Variants in ITGA8 observed in about 807,000 individuals in gnomAD.
ITGA8 encodes integrin subunit alpha 8.
In ITGA8, 91 loss-of-function variants were observed where a neutral mutation model predicts 142.3. The ratio of observed to expected loss-of-function variants is 0.64; its 90% CI spans 0.54 to 0.76. ITGA8 has a LOEUF of 0.76. ITGA8 is among the 30% of genes least tolerant of loss of function. The pLI is 0.00. For missense variants in ITGA8, 1,406 were observed against 1,327.7 expected (o/e 1.06, Z -0.92); for synonymous variants, 505 against 485.2 (o/e 1.04, Z -0.54).
intron 2 of ITGA8, among the ~76,000 whole-genome samples, chr10:15,711,416 A>G (rs1270753906): frequency 2.6e-5 from 4 of 152,146 alleles, no homozygotes; most frequent in African/African-American, 7.2e-5. Context: ...CCACAAAACC[A>G]TATTTAATCA....
intron 8 of ITGA8, among the ~76,000 whole-genome samples, chr10:15,664,720 T>A (rs1023059313): frequency 1.5e-5 from 2 of 134,644 alleles, no homozygotes; most frequent in African/African-American, 5.5e-5. Flanking sequence ...CCTGTGTCCA[T>A]GTGCTCTCAT....
intron 25 of ITGA8, among the ~76,000 whole-genome samples, chr10:15,561,237 A>ATATATATATATATATATATG (rs1833974744): frequency 1.0e-4 from 8 of 78,890 alleles, no homozygotes; most frequent in African/African-American, 6.2e-4. Flanking sequence ...ATATATATGT[A>ATATATATATATATATATATG]TATATATATA....
At chr10:15,707,821 T>TAA (rs570962683) in intron 2 of ITGA8, among the ~76,000 whole-genome samples, 75 of 117,602 alleles carry the variant, frequency 6.4e-4, no homozygotes, top group African/African-American at 2.2e-3. Context: ...AGTTTCCTTC[T>TAA]AAAAAAAAAA....
chr10:15,539,089 G>T (rs1220137143), intron 27 of ITGA8, among the ~76,000 whole-genome samples: 1 of 150,780 alleles, frequency 6.6e-6, no homozygotes, highest in South Asian at 2.1e-4. Flanking sequence ...AGGATATTTT[G>T]CAAAGCTGCT....
At chr10:15,578,408 C>T (rs1464872444) in intron 23 of ITGA8, among the ~76,000 whole-genome samples, 1 of 152,088 alleles carries the variant, frequency 6.6e-6, no homozygotes, top group African/African-American at 2.4e-5. Context: ...TAACTATCAA[C>T]CCATCAAAGG....
intron 26 of ITGA8, among the ~76,000 whole-genome samples, chr10:15,551,794 A>T (rs575724989): frequency 1.3e-4 from 20 of 152,288 alleles, no homozygotes; most frequent in African/African-American, 4.3e-4. Flanking sequence ...TCGCATAATC[A>T]CTTTCTATCC....
intron 8 of ITGA8, among the ~76,000 whole-genome samples, chr10:15,670,211 T>A (rs1260176570): frequency 6.6e-6 from 1 of 152,220 alleles, no homozygotes; most frequent in Non-Finnish European, 1.5e-5. Context: ...TGAAACAAGA[T>A]GGAAAATGGT....
chr10:15,576,547 T>C (rs1588654449), intron 23 of ITGA8, among the ~76,000 whole-genome samples: 1 of 152,318 alleles, frequency 6.6e-6, no homozygotes, highest in East Asian at 1.9e-4. Flanking sequence ...ACATCTCTTT[T>C]GGCAATCAGA....
chr10:15,569,881 T>C (rs925290268), intron 25 of ITGA8, among the ~76,000 whole-genome samples: 2 of 152,354 alleles, frequency 1.3e-5, no homozygotes, highest in Non-Finnish European at 1.5e-5. Flanking sequence ...GACGTTTGCA[T>C]TCTCTAGGAA....
At chr10:15,644,324 G>A (rs1720373442) in intron 12 of ITGA8, 103 bp from the exon 13 acceptor site, 2 of 1,112,210 alleles carry the variant, frequency 1.8e-6, no homozygotes, top group Non-Finnish European at 1.3e-6. Flanking sequence ...CTGGAGTGCA[G>A]TGGTGGGATC....
At chr10:15,592,002 T>C (rs1161253720) in intron 22 of ITGA8, among the ~76,000 whole-genome samples, 1 of 152,250 alleles carries the variant, frequency 6.6e-6, no homozygotes, top group African/African-American at 2.4e-5. Context: ...AATTTTGCTA[T>C]CTCATAACTT....
intron 20 of ITGA8, among the ~76,000 whole-genome samples, chr10:15,601,632 T>C (rs1395562403): frequency 6.6e-6 from 1 of 152,144 alleles, no homozygotes; most frequent in Non-Finnish European, 1.5e-5. Flanking sequence ...ATATAAAACA[T>C]ATACACCTTT....
chr10:15,655,872 G>A (rs1463563495), intron 10 of ITGA8, among the ~76,000 whole-genome samples: 1 of 152,118 alleles, frequency 6.6e-6, no homozygotes. Flanking sequence ...GGTCACTTGA[G>A]TCCAGGGGTT....
intron 15 of ITGA8, among the ~76,000 whole-genome samples, chr10:15,610,503 CA>C (rs5783456): frequency 0.78 from 118,152 of 152,014 alleles, 46,042 homozygotes; most frequent in South Asian, 0.88. Context: ...CTGATTGGAA[CA>C]AAAAAACCCA....
At chr10:15,666,064 G>T (rs1056238427) in intron 8 of ITGA8, among the ~76,000 whole-genome samples, 5 of 152,192 alleles carry the variant, frequency 3.3e-5, no homozygotes, top group African/African-American at 9.7e-5. Flanking sequence ...GAAAGTCATT[G>T]GTAGCTTGAT....
intron 6 of ITGA8, among the ~76,000 whole-genome samples, chr10:15,676,430 C>T (rs1834631659): frequency 6.6e-6 from 1 of 152,118 alleles, no homozygotes; most frequent in African/African-American, 2.4e-5. Context: ...ACACACCTGT[C>T]CACAGCCACC....
chr10:15,639,353 C>T (rs1833828742), intron 13 of ITGA8, among the ~76,000 whole-genome samples: 1 of 152,124 alleles, frequency 6.6e-6, no homozygotes, highest in Non-Finnish European at 1.5e-5. Flanking sequence ...CGCCAAGAAT[C>T]TAGGGTGGTT....
In ITGA8 at chr10:15,671,617, C is replaced by T; in HGVS notation, c.833G>A (p.Gly278Glu). The T allele has an allele frequency of 6.2e-7, 1 of 1,612,756 alleles. No individual in the cohort carries two copies. Among genetic ancestry groups the T allele is most frequent in the African/African-American group, 1.3e-5 (1 of 74,966 alleles). ...GTGCCTCTCACCTTGCTGAGAATCC[C>T]CAGTAAACTCCCCAGCAGCAACTGA... is the stretch of plus-strand genomic sequence containing the variant. ...GYSVAAGEFT[G>E]DSQQELVAGI... The change falls in exon 8 of 30, where the codon GGG (glycine) becomes GAG (glutamate). Residue 278 changes from glycine (G) to glutamate (E), a missense_variant. By Grantham distance (98) the Gly-to-Glu change is moderately conservative. Coordinates refer to ENST00000378076, the MANE Select transcript of ITGA8 (RefSeq NM_003638.3).
intron 2 of ITGA8, among the ~76,000 whole-genome samples, chr10:15,709,302 C>A (rs1292486960): frequency 6.6e-6 from 1 of 152,216 alleles, no homozygotes; most frequent in East Asian, 1.9e-4. Context: ...TTTCTCTGCT[C>A]AACCAAGATT....
Sources: gnomAD v4.1 joint callset for allele counts (sites outside exome capture counted in the v4.1 genomes callset) on GRCh38, gnomAD v4.1.1 for gene constraint, MANE v1.5 for transcripts, NCBI Gene and HGNC (gene_info 2026-07-23, HGNC 2026-07-21) for gene names.